Variants in CNTRL observed in about 807,000 individuals in gnomAD.
CNTRL encodes centriolin.
Under a neutral mutation model 303.7 loss-of-function variants are expected in CNTRL, and 233 were observed. The observed-to-expected ratio is 0.77, with a 90% CI of 0.69 to 0.86. CNTRL has a LOEUF of 0.86. Ranked by LOEUF, CNTRL falls within the 40% of genes least tolerant of loss-of-function variation. The pLI is 0.00. For missense variants in CNTRL, 2,524 were observed against 2,650.6 expected (o/e 0.95, Z 1.05); for synonymous variants, 900 against 922.2 (o/e 0.98, Z 0.44).
chr9:121,086,782 A>G (rs1226503232), intron 2 of CNTRL, among the ~76,000 whole-genome samples: 1 of 151,908 alleles, frequency 6.6e-6, no homozygotes. Context: ...GACCCCAAGT[A>G]GCTGGGATTA....
chr9:121,109,101 T>C (rs1268283842), intron 8 of CNTRL, among the ~76,000 whole-genome samples: 6 of 152,202 alleles, frequency 3.9e-5, no homozygotes, highest in Non-Finnish European at 5.9e-5. Context: ...AAGTCCTTTA[T>C]GTAAAATGGT....
Position 121,116,923 on chromosome 9 carries a change from C to T in CNTRL, c.1456-1423C>T, listed in dbSNP as rs113397601. On this transcript the variant is annotated intron_variant, in intron 11 of 43. Coordinates refer to ENST00000373855, the MANE Select transcript of CNTRL (RefSeq NM_007018.6). ...GATGAGGTAGAGGGAGCTATCAAGA[C>T]GGTTTTACTAATTTAAAAAGAATTT... is the stretch of plus-strand genomic sequence containing the variant. 9.1e-4 allele frequency among the ~76,000 whole-genome samples: 139 copies of T among 152,212 alleles called. 1 individual carries two copies. Among genetic ancestry groups the T allele is most frequent in the African/African-American group, 2.3e-3 (95 of 41,518 alleles).
intron 43 of CNTRL, among the ~76,000 whole-genome samples, chr9:121,175,977 G>GT (rs1242450095): frequency 1.3e-5 from 2 of 152,078 alleles, no homozygotes; most frequent in African/African-American, 4.8e-5. Context: ...TTTCACAAAG[G>GT]TTTTCTGTGT....
At chr9:121,144,753 A>G (rs1456900640) in intron 20 of CNTRL, 90 bp from the exon 21 acceptor site, 2 of 1,011,458 alleles carry the variant, frequency 2.0e-6, no homozygotes, top group Non-Finnish European at 3.1e-6. Context: ...AGGCAATGTG[A>G]TGAAAGCAGA....
Position 121,123,966 on chromosome 9 carries a change from A to G in CNTRL, c.1686A>G (p.Gln562=), listed in dbSNP as rs1006395742. The change falls in exon 13 of 44, where the codon CAA becomes CAG. Residue 562 remains glutamine (Q), a synonymous_variant. Transcript: ENST00000373855. ...AGGCTCAAAAGAGCGGTAAAGAACAACAGCTTGACATTATGAACAAGCAGT... is the reference window on the plus strand; with the variant it reads ...AGGCTCAAAAGAGCGGTAAAGAACAGCAGCTTGACATTATGAACAAGCAGT... ...HMKAQKSGKE[Q]QLDIMNKQYQ... 1.2e-6 allele frequency: 2 copies of G among 1,609,594 alleles called. No homozygotes were observed. The highest frequency in any genetic ancestry group is 1.7e-6 in the Non-Finnish European group (2 of 1,178,472).
rs1245844079 is a variant in CNTRL at position 121,115,167 on chromosome 9, T to A, written c.1422T>A (p.Phe474Leu). 3 of 1,606,130 alleles carry A rather than the reference T, an allele frequency of 1.9e-6. No homozygotes were observed. The Admixed American group carries it at 5.0e-5, about 27-fold the overall frequency. The change falls in exon 11 of 44, where the codon TTT becomes TTA. Residue 474 changes from phenylalanine (F) to leucine (L), a missense_variant. By Grantham distance (22) the Phe-to-Leu change is conservative. Transcript: ENST00000373855. ...AAATTTTGAGAGCTACTGAAGAATTTAAACAACTGGAAGAAGCTATACAAC... is the reference window on the plus strand; with the variant it reads ...AAATTTTGAGAGCTACTGAAGAATTAAAACAACTGGAAGAAGCTATACAAC... ...EQQILRATEEFKQLEEAIQLK... is the reference protein window; with the variant it reads ...EQQILRATEELKQLEEAIQLK...
intron 1 of CNTRL, among the ~76,000 whole-genome samples, chr9:121,076,916 G>C (rs938381136): frequency 6.6e-6 from 1 of 152,066 alleles, no homozygotes; most frequent in African/African-American, 2.4e-5. Flanking sequence ...GGATATGGGG[G>C]TTAATAAATG....
chr9:121,171,148 T>C (rs1399853541), intron 39 of CNTRL: 2 of 514,152 alleles, frequency 3.9e-6, no homozygotes, highest in East Asian at 7.6e-5. Context: ...ATTATTATTC[T>C]CATTTTACAG....
rs2053312331 is a variant in CNTRL at position 121,171,699 on chromosome 9, T to G, written c.6417+151T>G. On this transcript the variant is annotated intron_variant, in intron 40 of 43. Transcript: ENST00000373855. ...TAAGTCAAATCTGGTTTTTTAGCCT[T>G]AAAATTTAGAAACACACCTTGACTA... 4.5e-6 allele frequency: 3 copies of G among 660,798 alleles called. No homozygotes were observed. In the East Asian group the frequency reaches 9.2e-5, roughly 20 times the overall value. 40.9% of individuals were successfully genotyped at this position (660,798 alleles called of 1,614,324 possible). A position where few individuals can be genotyped will look rare whatever the true frequency, so the allele number is the denominator to read the frequency against.
intron 9 of CNTRL, 24 bp from the exon 10 acceptor site, chr9:121,113,478 A>G (rs371027732): frequency 2.1e-4 from 285 of 1,368,604 alleles, no homozygotes; most frequent in Non-Finnish European, 2.7e-4. Context: ...TTATTAAACC[A>G]TAAATCTATT....
At position 121,162,436 on chromosome 9, in the gene CNTRL, C is replaced by CTT. The variant is rs373673435; in HGVS notation, c.5423+177_5423+178dup. ...ATTTTTTTGGAGAATTTCCTTCTAGCTTTTTTTTTTTTTGCTCAAAAGCAT... is the reference window on the plus strand; with the variant it reads ...ATTTTTTTGGAGAATTTCCTTCTAGCTTTTTTTTTTTTTTTGCTCAAAAGCAT... On this transcript the variant is annotated intron_variant, in intron 34 of 43. Coordinates refer to ENST00000373855, the MANE Select transcript of CNTRL (RefSeq NM_007018.6). 6.6e-4 allele frequency: 353 copies of CTT among 534,068 alleles called. 1 individual carries two copies. Among genetic ancestry groups the CTT allele is most frequent in the Non-Finnish European group, 4.6e-4 (139 of 304,792 alleles). The allele number at this position is 534,068 out of a possible 1,614,324, so 33.1% of individuals were successfully genotyped here. A position where few individuals can be genotyped will look rare whatever the true frequency, so the allele number is the denominator to read the frequency against.
chr9:121,106,189 A>T (rs561345053), intron 7 of CNTRL, among the ~76,000 whole-genome samples: 1 of 152,086 alleles, frequency 6.6e-6, no homozygotes, highest in Admixed American at 6.5e-5. Flanking sequence ...AAATACAAAA[A>T]TTAGCTGGGT....
At chr9:121,088,755 C>T (rs1260947624) in intron 3 of CNTRL, among the ~76,000 whole-genome samples, 1 of 152,194 alleles carries the variant, frequency 6.6e-6, no homozygotes, top group African/African-American at 2.4e-5. Context: ...AGGGAGTTTT[C>T]AGAAAGAGGA....
At chr9:121,139,615 G>C (rs887474069) in intron 16 of CNTRL, among the ~76,000 whole-genome samples, 1 of 152,090 alleles carries the variant, frequency 6.6e-6, no homozygotes, top group African/African-American at 2.4e-5. Context: ...TACTATGTGA[G>C]GTGTGTGTGT....
Position 121,175,049 on chromosome 9 carries a change from C to A in CNTRL, c.6779C>A (p.Ala2260Glu). The A allele has an allele frequency of 1.2e-6, 2 of 1,613,698 alleles. No homozygotes were observed. Among genetic ancestry groups the A allele is most frequent in the South Asian group, 2.2e-5 (2 of 91,066 alleles). Residue 2260 changes from alanine (A) to glutamate (E), a missense_variant, in exon 43 of 44, where the codon GCA (alanine) becomes GAA (glutamate). Transcript: ENST00000373855. Reference protein sequence around the residue: ...AQLRHCMSKQAEVLIKGKRQT... With the variant: ...AQLRHCMSKQEEVLIKGKRQT... The stretch of plus-strand genomic sequence containing the variant: ...CTCCGACACTGTATGTCCAAGCAAG[C>A]AGAAGTATTAATTAAAGGAAAGCGG...
At chr9:121,127,934 G>A (rs1339326702) in intron 14 of CNTRL, among the ~76,000 whole-genome samples, 1 of 151,728 alleles carries the variant, frequency 6.6e-6, no homozygotes, top group African/African-American at 2.4e-5. Flanking sequence ...AAAGAATGAT[G>A]GTTTCCAGCT....
At position 121,140,031 on chromosome 9, in the gene CNTRL, C is replaced by A. The variant is rs537865505; in HGVS notation, c.2338-610C>A. On this transcript the variant is annotated intron_variant, in intron 16 of 43. Coordinates refer to ENST00000373855, the MANE Select transcript of CNTRL (RefSeq NM_007018.6). ...CACTCTACATGTCTTTGTCAGAAATCATTTAGTTGCAATGAACCAAAACCT... is the reference window on the plus strand; with the variant it reads ...CACTCTACATGTCTTTGTCAGAAATAATTTAGTTGCAATGAACCAAAACCT... Among the ~76,000 whole-genome samples the A allele has an allele frequency of 9.2e-5, 14 of 152,254 alleles. No individual in the cohort carries two copies. In the South Asian group the frequency reaches 2.7e-3, roughly 29 times the overall value.
intron 12 of CNTRL, among the ~76,000 whole-genome samples, chr9:121,122,125 T>C (rs546791736): frequency 6.6e-6 from 1 of 152,368 alleles, no homozygotes; most frequent in East Asian, 1.9e-4. Context: ...ACCAGATTTT[T>C]ATCCTGCGTA....
intron 34 of CNTRL, among the ~76,000 whole-genome samples, chr9:121,162,988 T>A (rs1159946220): frequency 2.6e-5 from 4 of 151,970 alleles, no homozygotes; most frequent in Non-Finnish European, 5.9e-5. Flanking sequence ...CAATTGGATA[T>A]ACAAAACCAA....
Sources: allele counts gnomAD v4.1 joint callset (sites outside exome capture counted in the v4.1 genomes callset), GRCh38; gene constraint gnomAD v4.1.1; transcripts MANE v1.5; gene names NCBI Gene and HGNC (gene_info 2026-07-23, HGNC 2026-07-21).